KIAA1549: variants seen among roughly 807,000 people sequenced by gnomAD.
The protein encoded by KIAA1549 is UPF0606 protein KIAA1549.
KIAA1549 carries 70 observed loss-of-function variants against 156.4 expected under a neutral mutation model. The observed-to-expected ratio is 0.45, with a 90% CI of 0.37 to 0.55. KIAA1549 has a LOEUF of 0.55. Ranked by LOEUF, KIAA1549 falls within the 20% of genes least tolerant of loss-of-function variation. KIAA1549 has a pLI of 0.00. For missense variants in KIAA1549, 2,428 were observed against 2,540.9 expected, an observed-to-expected ratio of 0.96 and a Z score of 0.96; for synonymous variants, 1,103 against 1,066.4, an observed-to-expected ratio of 1.03 and a Z score of -0.67.
intron 1 of KIAA1549, among the ~76,000 whole-genome samples, chr7:138,964,944 GT>G (rs112299014): frequency 0.042 from 6,294 of 150,846 alleles, 449 homozygotes; most frequent in African/African-American, 0.15. Context: ...TCATAGCAGT[GT>G]TTTTTTTCTT....
At chr7:138,901,457 G>A (rs925095074) in intron 8 of KIAA1549, among the ~76,000 whole-genome samples, 1 of 151,622 alleles carries the variant, frequency 6.6e-6, no homozygotes, top group African/African-American at 2.4e-5. Flanking sequence ...TCCTGAAGAG[G>A]TGGGATTACA....
chr7:138,868,830 G>A (rs1173779986), intron 14 of KIAA1549, among the ~76,000 whole-genome samples: 1 of 152,182 alleles, frequency 6.6e-6, no homozygotes, highest in East Asian at 1.9e-4. Context: ...AATGTTCAGG[G>A]GCTACCAGGC....
In KIAA1549 at chr7:138,929,967, C is replaced by T. The variant is rs546386524; in HGVS notation, c.188-10529G>A. Reference sequence around the variant, plus strand: ...GCCTCGGCCTCCCAAAGTGAGTCACCGCACCCAGCCATGAAATGTATTTCT... The same window carrying T: ...GCCTCGGCCTCCCAAAGTGAGTCACTGCACCCAGCCATGAAATGTATTTCT... On this transcript the variant is annotated intron_variant, in intron 1 of 19. Transcript: ENST00000422774. 2.5e-4 allele frequency among the ~76,000 whole-genome samples: 38 copies of T among 152,226 alleles called. No individual in the cohort carries two copies. The South Asian group carries it at 2.9e-3, about 12-fold the overall frequency.
chr7:138,910,342 A>G (rs1055764564), intron 4 of KIAA1549, among the ~76,000 whole-genome samples: 1 of 151,940 alleles, frequency 6.6e-6, no homozygotes, highest in Non-Finnish European at 1.5e-5. Context: ...GTTCAACACC[A>G]GTCTGGGCAA....
At chr7:138,966,988 A>G (rs373514461) in intron 1 of KIAA1549, among the ~76,000 whole-genome samples, 12 of 152,272 alleles carry the variant, frequency 7.9e-5, no homozygotes, top group East Asian at 1.9e-4. Flanking sequence ...CCCATTTTCA[A>G]CGAGGCTCCC....
intron 12 of KIAA1549, among the ~76,000 whole-genome samples, chr7:138,879,149 T>C (rs60613888): frequency 2.1e-3 from 320 of 152,324 alleles, no homozygotes; most frequent in African/African-American, 7.3e-3. Context: ...GACTTGGGCC[T>C]ATGATAAACA....
At position 138,833,916 on chromosome 7, in the gene KIAA1549, T is replaced by C. The variant is rs1809622588; in HGVS notation, c.*3990A>G. The C allele has an allele frequency of 8.7e-6, 2 of 231,162 alleles. No individual in the cohort carries two copies. Among genetic ancestry groups the C allele is most frequent in the African/African-American group, 2.2e-5 (1 of 45,220 alleles). 14.3% of individuals were successfully genotyped at this position (231,162 alleles called of 1,614,324 possible). A position where few individuals can be genotyped will look rare whatever the true frequency, so the allele number is the denominator to read the frequency against. ...CTCTTCCTTCTCTTCTGAAACTCCCTCAATAGTGCAGTCGGGGATTCTGTC... is the reference window on the plus strand; with the variant it reads ...CTCTTCCTTCTCTTCTGAAACTCCCCCAATAGTGCAGTCGGGGATTCTGTC... On this transcript the variant is annotated 3_prime_UTR_variant, in exon 20 of 20. Coordinates refer to ENST00000422774, the MANE Select transcript of KIAA1549 (RefSeq NM_001164665.2).
At chr7:138,980,792 T>C (rs898761541) in intron 1 of KIAA1549, among the ~76,000 whole-genome samples, 4 of 152,212 alleles carry the variant, frequency 2.6e-5, no homozygotes, top group African/African-American at 9.6e-5. Flanking sequence ...ACCAGGCACA[T>C]TCTGAGATGA....
chr7:138,893,985 G>A (rs1048764083), intron 10 of KIAA1549, among the ~76,000 whole-genome samples: 3 of 152,216 alleles, frequency 2.0e-5, no homozygotes, highest in East Asian at 1.9e-4. Context: ...CAGGAGAATC[G>A]CTTGAACCCA....
At chr7:138,876,671 C>T (rs10252467) in intron 12 of KIAA1549, among the ~76,000 whole-genome samples, 18 of 152,006 alleles carry the variant, frequency 1.2e-4, no homozygotes, top group Non-Finnish European at 2.5e-4. Context: ...TAAAGGGGAG[C>T]GAGAGAAAAA....
At chr7:138,943,252 G>T (rs977783517) in intron 1 of KIAA1549, among the ~76,000 whole-genome samples, 6 of 152,130 alleles carry the variant, frequency 3.9e-5, no homozygotes, top group African/African-American at 1.4e-4. Flanking sequence ...TGAAGGCGCC[G>T]TTCTCATCTC....
At position 138,918,727 on chromosome 7, in the gene KIAA1549, G is replaced by T. The variant is rs201014208; in HGVS notation, c.899C>A (p.Pro300Gln). 6.2e-7 allele frequency: 1 copy of T among 1,613,864 alleles called. No homozygotes were observed. Among genetic ancestry groups the T allele is most frequent in the Non-Finnish European group, 8.5e-7 (1 of 1,179,868 alleles). Residue 300 changes from proline (P) to glutamine (Q), a missense_variant, in exon 2 of 20, where the codon CCG (proline) becomes CAG (glutamine). Pro to Gln is a moderately conservative substitution (Grantham distance 76). This residue lies in a region of KIAA1549 where 893 missense variants were observed against 847.9 expected (regional missense o/e 1.05). Coordinates refer to ENST00000422774, the MANE Select transcript of KIAA1549 (RefSeq NM_001164665.2). This position sits in a 1 kb window ranked among gnomAD's most constrained non-coding sequence, Gnocchi z 4.2. ...TGAGACCTCCCCCAAGGAGGGCAACGGTATAGTAATGCCGTCGCCTAACGG... is the reference window on the plus strand; with the variant it reads ...TGAGACCTCCCCCAAGGAGGGCAACTGTATAGTAATGCCGTCGCCTAACGG... Reference protein sequence around the residue: ...PQPLGDGITIPLPSLGEVSQP... With the variant: ...PQPLGDGITIQLPSLGEVSQP...
At chr7:138,974,408 C>A (rs1015668097) in intron 1 of KIAA1549, among the ~76,000 whole-genome samples, 2 of 151,922 alleles carry the variant, frequency 1.3e-5, no homozygotes, top group African/African-American at 4.8e-5. Context: ...CAGCTATTTA[C>A]CAACTGCTAT....
intron 1 of KIAA1549, among the ~76,000 whole-genome samples, chr7:138,949,382 A>T (rs531105380): frequency 6.6e-6 from 1 of 152,344 alleles, no homozygotes; most frequent in South Asian, 2.1e-4. Context: ...AGACGAAGTG[A>T]TAATGTCAGG....
Position 138,831,761 on chromosome 7 carries a change from A to G in KIAA1549, c.*6145T>C, listed in dbSNP as rs553110369. 1.1e-3 allele frequency: 257 copies of G among 232,138 alleles called. 9 individuals are homozygous for G. In the South Asian group the frequency reaches 0.046, roughly 41 times the overall value. 14.4% of individuals were successfully genotyped at this position (232,138 alleles called of 1,614,324 possible). ...AAACATGGACCTTGACAAAGGAGGG[A>G]GAGACAAGTCAGTACTCCAGGGCAG... On this transcript the variant is annotated 3_prime_UTR_variant, in exon 20 of 20. Transcript: ENST00000422774.
intron 2 of KIAA1549, among the ~76,000 whole-genome samples, chr7:138,915,888 C>T (rs1812303363): frequency 6.6e-6 from 1 of 152,224 alleles, no homozygotes; most frequent in Non-Finnish European, 1.5e-5. Flanking sequence ...GGGCCACCGT[C>T]GCGGGACATG....
At chr7:138,956,997 C>T (rs1038663274) in intron 1 of KIAA1549, among the ~76,000 whole-genome samples, 9 of 152,150 alleles carry the variant, frequency 5.9e-5, no homozygotes, top group African/African-American at 1.2e-4. Context: ...ATAATAGGGA[C>T]GCACAGGGGC....
chr7:138,903,976 T>C (rs1353640674), intron 7 of KIAA1549, among the ~76,000 whole-genome samples: 1 of 152,116 alleles, frequency 6.6e-6, no homozygotes, highest in Non-Finnish European at 1.5e-5. Context: ...GTCCAGGAAA[T>C]GCAGCCCACA....
chr7:138,942,026 GC>G (rs2130524615), intron 1 of KIAA1549, among the ~76,000 whole-genome samples: 1 of 152,232 alleles, frequency 6.6e-6, no homozygotes, highest in South Asian at 2.1e-4. Flanking sequence ...GTGGCCAATA[GC>G]CACCCTCTCC....
Sources: allele counts gnomAD v4.1 joint callset (sites outside exome capture counted in the v4.1 genomes callset), GRCh38; gene constraint gnomAD v4.1.1; regional missense constraint gnomAD v4.1.1; non-coding constraint Gnocchi (gnomAD v3.1); transcripts MANE v1.5; gene names NCBI Gene and HGNC (gene_info 2026-07-23, HGNC 2026-07-21).